Variants in FAF1 observed in about 807,000 individuals in gnomAD.
FAF1 encodes the protein Fas associated factor 1.
Under a neutral mutation model 92.5 loss-of-function variants are expected in FAF1, and 25 were observed. The ratio of observed to expected loss-of-function variants is 0.27; its 90% CI spans 0.20 to 0.38. FAF1 has a LOEUF of 0.38. FAF1 is among the 10% of genes least tolerant of loss of function. The probability of loss-of-function intolerance (pLI) is 1.00; values close to 1 mark genes in which losing one functional copy is unlikely to be tolerated. For synonymous variants in FAF1, 234 were observed against 273.2 expected, an observed-to-expected ratio of 0.86 and a Z score of 1.42; for missense variants, 636 against 793.3, an observed-to-expected ratio of 0.80 and a Z score of 2.38.
intron 1 of FAF1, among the ~76,000 whole-genome samples, chr1:50,870,542 C>T (rs972640028): frequency 1.3e-5 from 2 of 152,230 alleles, no homozygotes; most frequent in Non-Finnish European, 2.9e-5. Flanking sequence ...CAATAGTACA[C>T]GCTAATTGCA....
intron 1 of FAF1, 21 bp from the exon 2 acceptor site, chr1:50,858,018 C>T (rs2124666200): frequency 2.6e-6 from 4 of 1,548,300 alleles, no homozygotes; most frequent in Middle Eastern, 1.7e-4. Flanking sequence ...AGTAAATAAG[C>T]ATTTTACATA....
At chr1:50,775,173 CAT>C (rs1660910625) in intron 4 of FAF1, among the ~76,000 whole-genome samples, 2 of 152,064 alleles carry the variant, frequency 1.3e-5, no homozygotes, top group African/African-American at 4.8e-5. Context: ...TTGCTGGTCA[CAT>C]AAACTTTAAT....
At chr1:50,662,203 ATCTT>A (rs1192139608) in intron 7 of FAF1, among the ~76,000 whole-genome samples, 1 of 152,234 alleles carries the variant, frequency 6.6e-6, no homozygotes, top group Admixed American at 6.5e-5. Context: ...CTCAAATACT[ATCTT>A]TCCAGAAAAC....
intron 8 of FAF1, among the ~76,000 whole-genome samples, chr1:50,623,689 C>G (rs1349066468): frequency 1.2e-4 from 18 of 151,878 alleles, no homozygotes; most frequent in Non-Finnish European, 4.4e-5. Flanking sequence ...TGCCTGTAAT[C>G]CCAGCACTTT....
At chr1:50,544,344 A>C (rs1350167251) in intron 13 of FAF1, among the ~76,000 whole-genome samples, 2 of 152,198 alleles carry the variant, frequency 1.3e-5, no homozygotes, top group African/African-American at 4.8e-5. Context: ...ATTTATTTAA[A>C]AGGCAAGTTC....
intron 7 of FAF1, among the ~76,000 whole-genome samples, chr1:50,704,524 A>C (rs777111094): frequency 5.9e-5 from 9 of 152,198 alleles, no homozygotes; most frequent in Admixed American, 1.3e-4. Context: ...TTCAGATGCT[A>C]TAATAACTCG....
At position 50,959,879 on chromosome 1, in the gene FAF1, G is replaced by T; in HGVS notation, c.-68C>A. On this transcript the variant is annotated 5_prime_UTR_variant, in exon 1 of 19. Coordinates refer to ENST00000396153, the MANE Select transcript of FAF1 (RefSeq NM_007051.3). The stretch of plus-strand genomic sequence containing the variant: ...CTGGGAGGCAGACGGCACCTCCTGC[G>T]ACCGTCGCCGCCACCGCCGCCGCCG... The T allele has an allele frequency of 8.7e-7, 1 of 1,154,566 alleles. No individual in the cohort carries two copies. Among genetic ancestry groups the T allele is most frequent in the African/African-American group, 1.6e-5 (1 of 61,676 alleles). The allele number at this position is 1,154,566 out of a possible 1,614,324, so 71.5% of individuals were successfully genotyped here.
chr1:50,787,771 T>C (rs763012058), intron 4 of FAF1, among the ~76,000 whole-genome samples: 2 of 152,202 alleles, frequency 1.3e-5, no homozygotes, highest in Admixed American at 6.5e-5. Flanking sequence ...TAAAACAGCA[T>C]TGTATACCAT....
At chr1:50,851,517 A>T (rs1358466102) in intron 2 of FAF1, among the ~76,000 whole-genome samples, 2 of 152,208 alleles carry the variant, frequency 1.3e-5, no homozygotes, top group Non-Finnish European at 2.9e-5. Flanking sequence ...ACATATATTT[A>T]TACTGCCAAT....
At chr1:50,864,748 C>T (rs948263160) in intron 1 of FAF1, among the ~76,000 whole-genome samples, 27 of 152,240 alleles carry the variant, frequency 1.8e-4, no homozygotes, top group African/African-American at 5.5e-4. Context: ...TAGAAGAAAA[C>T]CTAGGCATTA....
At chr1:50,567,329 A>G in intron 12 of FAF1, 98 bp from the exon 13 acceptor site, 1 of 797,890 alleles carries the variant, frequency 1.3e-6, no homozygotes, top group Non-Finnish European at 1.9e-6. Flanking sequence ...AACAGCAAAG[A>G]CAAAAATTAA....
At chr1:50,519,390 GGGAGGGAA>G (rs1190876465) in intron 15 of FAF1, among the ~76,000 whole-genome samples, 37 of 88,274 alleles carry the variant, frequency 4.2e-4, no homozygotes, top group Admixed American at 2.1e-3. Context: ...GAGGGAGGGA[GGGAGGGAA>G]GGAGGGAGGG....
At chr1:50,759,186 C>T (rs900053672) in intron 4 of FAF1, among the ~76,000 whole-genome samples, 7 of 151,648 alleles carry the variant, frequency 4.6e-5, no homozygotes, top group African/African-American at 1.7e-4. Context: ...TTTTAGGGTA[C>T]ATGTGCACAA....
At chr1:50,795,850 G>GT (rs1281892001) in intron 3 of FAF1, among the ~76,000 whole-genome samples, 1 of 152,110 alleles carries the variant, frequency 6.6e-6, no homozygotes, top group Non-Finnish European at 1.5e-5. Flanking sequence ...TAGGGAAGGA[G>GT]TACCGGATAG....
intron 13 of FAF1, among the ~76,000 whole-genome samples, chr1:50,551,725 T>A (rs1649318242): frequency 6.6e-6 from 1 of 152,156 alleles, no homozygotes; most frequent in African/African-American, 2.4e-5. Flanking sequence ...TTCCAAAAGA[T>A]CCTTTAGATA....
At chr1:50,514,490 T>TA (rs1198347156) in intron 15 of FAF1, among the ~76,000 whole-genome samples, 1 of 152,234 alleles carries the variant, frequency 6.6e-6, no homozygotes, top group Non-Finnish European at 1.5e-5. Flanking sequence ...GAGCCTTTAA[T>TA]ATAATGTTAG....
At chr1:50,942,664 T>C (rs928349477) in intron 1 of FAF1, among the ~76,000 whole-genome samples, 1 of 152,078 alleles carries the variant, frequency 6.6e-6, no homozygotes, top group Non-Finnish European at 1.5e-5. Flanking sequence ...TCATGGATAT[T>C]GGAGGAAGAT....
At chr1:50,884,521 C>CAA (rs560254938) in intron 1 of FAF1, among the ~76,000 whole-genome samples, 36 of 90,592 alleles carry the variant, frequency 4.0e-4, no homozygotes, top group African/African-American at 6.8e-4. Flanking sequence ...GACTCTGTCT[C>CAA]AAAAAAAAAA....
chr1:50,710,752 G>C (rs749347459), intron 6 of FAF1, among the ~76,000 whole-genome samples: 7 of 149,970 alleles, frequency 4.7e-5, no homozygotes, highest in Admixed American at 1.3e-4. Flanking sequence ...ACAGGTGTGT[G>C]CCACCACGCC....
Sources: allele counts gnomAD v4.1 joint callset (sites outside exome capture counted in the v4.1 genomes callset), GRCh38; gene constraint gnomAD v4.1.1; transcripts MANE v1.5; gene names NCBI Gene and HGNC (gene_info 2026-07-23, HGNC 2026-07-21).